Variants in EYS observed in about 807,000 individuals in gnomAD.
EYS encodes the protein protein eyes shut homolog.
EYS carries 250 observed loss-of-function variants against 282.1 expected under a neutral mutation model. That is an observed-to-expected ratio of 0.89 (90% CI 0.80 to 0.98). The LOEUF is 0.98. Ranked by LOEUF, EYS falls within the 50% of genes least tolerant of loss-of-function variation. EYS has a pLI of 0.00. For synonymous variants in EYS, 1,355 were observed against 1,282.9 expected, an observed-to-expected ratio of 1.06 and a Z score of -1.20; for missense variants, 4,016 against 3,709.0, an observed-to-expected ratio of 1.08 and a Z score of -2.15.
intron 31 of EYS, among the ~76,000 whole-genome samples, chr6:64,194,555 A>G (rs1387008690): frequency 6.6e-6 from 1 of 152,116 alleles, no homozygotes; most frequent in African/African-American, 2.4e-5. Context: ...TTGCATCAAT[A>G]TATTTTATTA....
chr6:65,554,741 G>A (rs1403599115), intron 2 of EYS, among the ~76,000 whole-genome samples: 12 of 152,044 alleles, frequency 7.9e-5, no homozygotes, highest in Admixed American at 7.2e-4. Flanking sequence ...AGTGAATGAC[G>A]GCCTTCTGTT....
At chr6:65,342,749 A>C (rs939631164) in intron 10 of EYS, among the ~76,000 whole-genome samples, 10 of 150,684 alleles carry the variant, frequency 6.6e-5, no homozygotes, top group African/African-American at 2.4e-4. Context: ...AAAGTAATAA[A>C]ATAGCCAAAA....
At chr6:63,943,137 G>C (rs933070535) in intron 35 of EYS, among the ~76,000 whole-genome samples, 5 of 152,158 alleles carry the variant, frequency 3.3e-5, no homozygotes, top group African/African-American at 4.8e-5. Context: ...ATGGGGGTTG[G>C]CACCCCTAAC....
chr6:64,048,913 C>A (rs191372077), intron 33 of EYS, among the ~76,000 whole-genome samples: 84 of 152,088 alleles, frequency 5.5e-4, no homozygotes, highest in African/African-American at 1.7e-3. Flanking sequence ...CTTTTCCCCC[C>A]CTAGATGTTT....
intron 5 of EYS, among the ~76,000 whole-genome samples, chr6:65,476,297 C>G (rs1406935520): frequency 6.6e-6 from 1 of 152,008 alleles, no homozygotes; most frequent in Non-Finnish European, 1.5e-5. Flanking sequence ...GTTGGTCTAC[C>G]ATAGATAGAC....
At chr6:65,141,202 T>A (rs1764330592) in intron 12 of EYS, among the ~76,000 whole-genome samples, 1 of 152,032 alleles carries the variant, frequency 6.6e-6, no homozygotes. Flanking sequence ...GGGACATGGA[T>A]GAAGCTGGAA....
intron 7 of EYS, among the ~76,000 whole-genome samples, chr6:65,400,156 T>G (rs1180083325): frequency 6.6e-6 from 1 of 152,032 alleles, no homozygotes; most frequent in Non-Finnish European, 1.5e-5. Context: ...CGGAAAGCAG[T>G]AATGCTGGAG....
intron 30 of EYS, among the ~76,000 whole-genome samples, chr6:64,287,778 C>T (rs545933736): frequency 8.6e-5 from 13 of 152,040 alleles, no homozygotes; most frequent in South Asian, 4.1e-4. Flanking sequence ...AACAATAGAC[C>T]GGAAAGATTA....
At chr6:65,426,051 C>T (rs1767648906) in intron 5 of EYS, among the ~76,000 whole-genome samples, 1 of 152,056 alleles carries the variant, frequency 6.6e-6, no homozygotes, top group Non-Finnish European at 1.5e-5. Flanking sequence ...TCATAGCCCA[C>T]TGCAGCCTCA....
intron 31 of EYS, among the ~76,000 whole-genome samples, chr6:64,182,657 G>A (rs774196326): frequency 7.2e-5 from 11 of 152,032 alleles, no homozygotes; most frequent in Non-Finnish European, 1.3e-4. Flanking sequence ...AATGCATCAC[G>A]AGCTTCCTCT....
chr6:64,787,580 T>G (rs1047760466), intron 22 of EYS, among the ~76,000 whole-genome samples: 1 of 151,754 alleles, frequency 6.6e-6, no homozygotes, highest in Non-Finnish European at 1.5e-5. Flanking sequence ...AATCTAAAAA[T>G]GAATGAACTT....
chr6:64,418,074 T>G (rs181152718), intron 28 of EYS, among the ~76,000 whole-genome samples: 177 of 152,236 alleles, frequency 1.2e-3, no homozygotes, highest in African/African-American at 4.1e-3. Context: ...AGTGGTGACA[T>G]AGGAGAAATT....
intron 21 of EYS, among the ~76,000 whole-genome samples, chr6:64,818,145 C>CA (rs1764795580): frequency 6.6e-6 from 1 of 152,092 alleles, no homozygotes; most frequent in Admixed American, 6.6e-5. Flanking sequence ...GAGAAAGATA[C>CA]ATGCCATCCT....
chr6:63,976,377 T>C (rs1382935686), intron 35 of EYS, among the ~76,000 whole-genome samples: 1 of 152,062 alleles, frequency 6.6e-6, no homozygotes, highest in East Asian at 1.9e-4. Context: ...CCATCATCTG[T>C]TTTGTCTGTT....
chr6:65,580,990 T>C lies in EYS; in HGVS notation c.-333+58788A>G, dbSNP rs566642522. On this transcript the variant is annotated intron_variant, in intron 2 of 42. Coordinates refer to ENST00000503581, the MANE Select transcript of EYS (RefSeq NM_001142800.2). Reference sequence around the variant, plus strand: ...AAATATAATTTGACATATTTTAATCTATTCAATTGCAATGAGTAATTTTGG... The same window carrying C: ...AAATATAATTTGACATATTTTAATCCATTCAATTGCAATGAGTAATTTTGG... Among the ~76,000 whole-genome samples the C allele has an allele frequency of 4.3e-4, 65 of 152,270 alleles. 1 individual carries two copies. The highest frequency in any genetic ancestry group is 1.4e-3 in the South Asian group (7 of 4,828).
At chr6:64,517,641 A>G (rs147848796) in intron 26 of EYS, among the ~76,000 whole-genome samples, 28 of 151,888 alleles carry the variant, frequency 1.8e-4, no homozygotes, top group Middle Eastern at 3.4e-3. Context: ...TATCTTGCCA[A>G]GGGAAAGGAT....
At chr6:64,601,052 A>G (rs1766746203) in intron 24 of EYS, among the ~76,000 whole-genome samples, 1 of 151,926 alleles carries the variant, frequency 6.6e-6, no homozygotes, top group Non-Finnish European at 1.5e-5. Context: ...ACCTTCTAAA[A>G]AACTTGGTTT....
intron 12 of EYS, among the ~76,000 whole-genome samples, chr6:65,084,889 T>A (rs1381252200): frequency 6.6e-6 from 1 of 152,096 alleles, no homozygotes; most frequent in East Asian, 1.9e-4. Context: ...TGTGGAGGAA[T>A]AAGAAAGAGG....
In EYS at chr6:65,151,938, TTTTGA is replaced by T. The variant is rs369656105; in HGVS notation, c.2024-94216_2024-94212del. Among the ~76,000 whole-genome samples the T allele has an allele frequency of 3.9e-4, 59 of 152,100 alleles. No individual in the cohort carries two copies. In the East Asian group the frequency reaches 8.5e-3, roughly 22 times the overall value. On this transcript the variant is annotated intron_variant, in intron 12 of 42. Transcript: ENST00000503581. ...ATTTTATTGATATTCTATAATTTTGTTTTGATTTAATTTTTAACCTAAATGACATT... is the reference window on the plus strand; with the variant it reads ...ATTTTATTGATATTCTATAATTTTGTTTTAATTTTTAACCTAAATGACATT...
Sources: allele counts gnomAD v4.1 joint callset (sites outside exome capture counted in the v4.1 genomes callset), GRCh38; gene constraint gnomAD v4.1.1; transcripts MANE v1.5; gene names NCBI Gene and HGNC (gene_info 2026-07-23, HGNC 2026-07-21).